UBE2G2: variants seen among roughly 807,000 people sequenced by gnomAD.
UBE2G2 encodes the protein ubiquitin conjugating enzyme E2 G2.
Under a neutral mutation model 23.0 loss-of-function variants are expected in UBE2G2, and 10 were observed. That is an observed-to-expected ratio of 0.43 (90% CI 0.27 to 0.74). UBE2G2 has a LOEUF of 0.74. Ranked by LOEUF, UBE2G2 falls within the 30% of genes least tolerant of loss-of-function variation. UBE2G2 has a pLI of 0.19. For missense variants in UBE2G2, 150 were observed against 218.3 expected, an observed-to-expected ratio of 0.69 and a Z score of 1.97; for synonymous variants, 86 against 81.3, an observed-to-expected ratio of 1.06 and a Z score of -0.31.
chr21:44,788,335 G>C (rs1166783639), intron 1 of UBE2G2, among the ~76,000 whole-genome samples: 3 of 146,374 alleles, frequency 2.0e-5, no homozygotes, highest in African/African-American at 7.6e-5. Flanking sequence ...TATCACCCAG[G>C]CTGAAGTGCA....
At position 44,777,457 on chromosome 21, in the gene UBE2G2, A is replaced by G. The variant is rs111469083; in HGVS notation, c.126-40T>C. On this transcript the variant is annotated intron_variant, in intron 3 of 5. Coordinates refer to ENST00000345496, the MANE Select transcript of UBE2G2 (RefSeq NM_003343.6). ...ATACGTAGACTGAACTTCAAAGTAC[A>G]TTTTTCAACGTCGACCACAATTGAC... 9.6e-4 allele frequency: 1,528 copies of G among 1,587,574 alleles called. 20 individuals carry two copies. In the African/African-American group the frequency reaches 0.018, roughly 19 times the overall value.
At position 44,772,149 on chromosome 21, in the gene UBE2G2, G is replaced by A. The variant is rs573336640; in HGVS notation, c.386-660C>T. ...TGAGGCAGCAGCTGTGCAGTGCGGC[G>A]GTGGCGCTGCTCAGAATGCACGTGG... On this transcript the variant is annotated intron_variant, in intron 5 of 5. Transcript: ENST00000345496. This position sits in a 1 kb window ranked among gnomAD's most constrained non-coding sequence, Gnocchi z 5.4. 1.2e-3 allele frequency among the ~76,000 whole-genome samples: 179 copies of A among 152,294 alleles called. No individual in the cohort carries two copies. The highest frequency in any genetic ancestry group is 2.7e-3 in the South Asian group (13 of 4,824).
At chr21:44,794,774 T>C (rs1555963436) in intron 1 of UBE2G2, among the ~76,000 whole-genome samples, 1 of 152,106 alleles carries the variant, frequency 6.6e-6, no homozygotes, top group East Asian at 1.9e-4. Flanking sequence ...GACCTCGTGA[T>C]CCGCCCACCT....
chr21:44,795,647 G>A (rs2083082437), intron 1 of UBE2G2, among the ~76,000 whole-genome samples: 2 of 151,182 alleles, frequency 1.3e-5, no homozygotes, highest in Non-Finnish European at 2.9e-5. Flanking sequence ...AAAAAAGAAA[G>A]AAAGAAAGAA....
At chr21:44,790,024 G>A in intron 1 of UBE2G2, among the ~76,000 whole-genome samples, 1 of 152,100 alleles carries the variant, frequency 6.6e-6, no homozygotes. Flanking sequence ...CTGGTCTTTG[G>A]TATTTTTTTA....
chr21:44,792,171 A>C (rs2083050982), intron 1 of UBE2G2, among the ~76,000 whole-genome samples: 1 of 152,244 alleles, frequency 6.6e-6, no homozygotes, highest in African/African-American at 2.4e-5. Context: ...TTACCTTGTC[A>C]GAGATGAGAC....
At chr21:44,800,486 T>C (rs554596688) in intron 1 of UBE2G2, 4 of 152,360 alleles carry the variant, frequency 2.6e-5, no homozygotes, top group African/African-American at 9.6e-5. Flanking sequence ...ATAAGTAACC[T>C]TGAGATGATT....
intron 4 of UBE2G2, chr21:44,773,911 G>T: frequency 2.1e-6 from 1 of 486,064 alleles, no homozygotes; most frequent in African/African-American, 2.0e-5. Flanking sequence ...GACCCAGCCA[G>T]TTCTAATCAG....
intron 3 of UBE2G2, among the ~76,000 whole-genome samples, chr21:44,787,698 T>C (rs1377189242): frequency 1.3e-5 from 2 of 152,226 alleles, no homozygotes; most frequent in Non-Finnish European, 2.9e-5. Context: ...TACATAATTA[T>C]AACTAAACCT....
intron 3 of UBE2G2, among the ~76,000 whole-genome samples, chr21:44,785,994 C>T (rs886243677): frequency 1.3e-5 from 2 of 152,210 alleles, no homozygotes; most frequent in Admixed American, 1.3e-4. Flanking sequence ...CGATTTTTAA[C>T]AATGAACATT....
intron 3 of UBE2G2, among the ~76,000 whole-genome samples, chr21:44,777,862 T>A (rs2082925018): frequency 6.6e-6 from 1 of 152,182 alleles, no homozygotes; most frequent in Non-Finnish European, 1.5e-5. Context: ...AAAGATTATC[T>A]AAGTAACAAT....
At chr21:44,774,908 T>C (rs2082901628) in intron 4 of UBE2G2, 4 of 347,064 alleles carry the variant, frequency 1.2e-5, no homozygotes, top group Admixed American at 8.2e-5. Flanking sequence ...CCTAAACCTC[T>C]CGTGGATCCA....
Position 44,788,054 on chromosome 21 carries a change from C to T in UBE2G2, c.79+6G>A. The T allele has an allele frequency of 1.9e-6, 3 of 1,611,794 alleles. No homozygotes were observed. The highest frequency in any genetic ancestry group is 2.5e-6 in the Non-Finnish European group (3 of 1,179,092). ...AATTATAAGGAAGTTAACTTTGGTA[C>T]CTTACCTGCTACAATTCCTTCCGGA... On this transcript the variant is annotated splice_donor_region_variant and intron_variant, in intron 2 of 5. Coordinates refer to ENST00000345496, the MANE Select transcript of UBE2G2 (RefSeq NM_003343.6).
At chr21:44,789,474 G>A (rs1257326345) in intron 1 of UBE2G2, among the ~76,000 whole-genome samples, 3 of 151,194 alleles carry the variant, frequency 2.0e-5, no homozygotes, top group African/African-American at 4.9e-5. Context: ...TTAAGGCAAC[G>A]TAGCACTGGC....
At chr21:44,774,277 C>T (rs1249409469) in intron 4 of UBE2G2, 1 of 154,132 alleles carries the variant, frequency 6.5e-6, no homozygotes, top group African/African-American at 2.4e-5. Context: ...TCCCTTTCCA[C>T]CAAATATCAT....
At chr21:44,801,644 A>G (rs1476208976) in intron 1 of UBE2G2, 62 bp downstream of exon 1, 2 of 1,487,610 alleles carry the variant, frequency 1.3e-6, no homozygotes, top group African/African-American at 1.5e-5. Context: ...GCCCCGCCGG[A>G]CGACGCGGGC....
At chr21:44,788,128 C>T in intron 1 of UBE2G2, 33 bp from the exon 2 acceptor site, 1 of 1,568,292 alleles carries the variant, frequency 6.4e-7, no homozygotes, top group South Asian at 1.2e-5. Context: ...CATTACCAAA[C>T]AGAATAAATG....
chr21:44,779,785 T>C (rs1443518931), intron 3 of UBE2G2, among the ~76,000 whole-genome samples: 1 of 152,184 alleles, frequency 6.6e-6, no homozygotes, highest in Non-Finnish European at 1.5e-5. Flanking sequence ...CATTTTACTG[T>C]CAAGCAAGGC....
intron 1 of UBE2G2, 134 bp downstream of exon 1, chr21:44,801,572 C>A (rs1049268891): frequency 2.4e-5 from 30 of 1,266,446 alleles, no homozygotes; most frequent in Non-Finnish European, 3.1e-5. Flanking sequence ...CTCCGCGGGA[C>A]CCACAGGGGG....
Sources: allele counts gnomAD v4.1 joint callset (sites outside exome capture counted in the v4.1 genomes callset), GRCh38; gene constraint gnomAD v4.1.1; non-coding constraint Gnocchi (gnomAD v3.1); transcripts MANE v1.5; gene names NCBI Gene and HGNC (gene_info 2026-07-23, HGNC 2026-07-21).